RABGAP1L: variants seen among roughly 807,000 people sequenced by gnomAD.
RABGAP1L encodes the protein RAB GTPase activating protein 1 like, also known as rab GTPase-activating protein 1-like.
Under a neutral mutation model 137.7 loss-of-function variants are expected in RABGAP1L, and 63 were observed. The ratio of observed to expected loss-of-function variants is 0.46; its 90% CI spans 0.37 to 0.56. The LOEUF (loss-of-function observed/expected upper bound fraction) is 0.56, where lower values mean the gene tolerates loss of function less well. Ranked by LOEUF, RABGAP1L falls within the 20% of genes least tolerant of loss-of-function variation. The pLI is 0.00. For missense variants in RABGAP1L, 1,095 were observed against 1,244.0 expected (o/e 0.88, Z 1.80); for synonymous variants, 431 against 433.7 (o/e 0.99, Z 0.08).
intron 19 of RABGAP1L, among the ~76,000 whole-genome samples, chr1:174,917,112 T>C (rs1162673943): frequency 6.6e-6 from 1 of 152,102 alleles, no homozygotes; most frequent in Non-Finnish European, 1.5e-5. Context: ...CTAATAATCA[T>C]GGGGGCTCCA....
At chr1:174,780,997 C>T (rs1281081129) in intron 18 of RABGAP1L, among the ~76,000 whole-genome samples, 1 of 151,938 alleles carries the variant, frequency 6.6e-6, no homozygotes, top group Non-Finnish European at 1.5e-5. Flanking sequence ...GGTTCCAAGT[C>T]TTTGCTATTG....
intron 14 of RABGAP1L, among the ~76,000 whole-genome samples, chr1:174,660,123 G>A (rs1411650477): frequency 4.6e-5 from 7 of 152,200 alleles, no homozygotes; most frequent in Non-Finnish European, 8.8e-5. Context: ...CCATGGCAGG[G>A]AATGATCTGT....
intron 23 of RABGAP1L, among the ~76,000 whole-genome samples, chr1:174,982,590 G>T (rs1402551951): frequency 1.3e-5 from 2 of 152,230 alleles, no homozygotes; most frequent in Admixed American, 6.5e-5. Flanking sequence ...GCTAGTGACA[G>T]AAAGAAACCA....
At chr1:174,762,207 G>A (rs1685282713) in intron 18 of RABGAP1L, among the ~76,000 whole-genome samples, 1 of 152,122 alleles carries the variant, frequency 6.6e-6, no homozygotes, top group Admixed American at 6.5e-5. Context: ...TTAGGATAAA[G>A]TTCACAATTT....
chr1:174,873,606 C>T (rs1464025015), intron 19 of RABGAP1L, among the ~76,000 whole-genome samples: 5 of 151,424 alleles, frequency 3.3e-5, no homozygotes, highest in Non-Finnish European at 5.9e-5. Context: ...CCCTGCCTCC[C>T]GGGTTCAAGT....
At chr1:174,212,212 T>C (rs1376530984) in intron 1 of RABGAP1L, among the ~76,000 whole-genome samples, 1 of 152,096 alleles carries the variant, frequency 6.6e-6, no homozygotes, top group African/African-American at 2.4e-5. Context: ...TTCTTAAGGA[T>C]AGACCGTACT....
intron 10 of RABGAP1L, among the ~76,000 whole-genome samples, chr1:174,303,864 T>G (rs1677953186): frequency 3.3e-5 from 5 of 152,164 alleles, no homozygotes; most frequent in Admixed American, 2.6e-4. Flanking sequence ...GAAAGACAGT[T>G]ATATTGTTTG....
At chr1:174,561,262 G>T (rs2148016711) in intron 13 of RABGAP1L, among the ~76,000 whole-genome samples, 1 of 152,236 alleles carries the variant, frequency 6.6e-6, no homozygotes, top group East Asian at 1.9e-4. Context: ...ATTCACAATT[G>T]CTATAAAGAG....
At chr1:174,335,128 T>C (rs1046155714) in intron 11 of RABGAP1L, among the ~76,000 whole-genome samples, 22 of 152,208 alleles carry the variant, frequency 1.4e-4, no homozygotes, top group Admixed American at 7.9e-4. Flanking sequence ...AGTAATAGTT[T>C]CTTTTCTTTT....
chr1:174,447,166 T>C (rs1375685807), intron 13 of RABGAP1L, among the ~76,000 whole-genome samples: 1 of 152,212 alleles, frequency 6.6e-6, no homozygotes, highest in Non-Finnish European at 1.5e-5. Context: ...GTTACGTTGC[T>C]GTTAGTACCA....
At chr1:174,358,519 C>G (rs1683841933) in intron 11 of RABGAP1L, among the ~76,000 whole-genome samples, 1 of 152,104 alleles carries the variant, frequency 6.6e-6, no homozygotes, top group African/African-American at 2.4e-5. Context: ...ACTGGTTTGG[C>G]TTGATTGTAG....
intron 1 of RABGAP1L, among the ~76,000 whole-genome samples, chr1:174,169,555 G>T (rs902594891): frequency 7.9e-5 from 12 of 152,146 alleles, no homozygotes; most frequent in African/African-American, 2.9e-4. Context: ...TCTAGTAATA[G>T]TAGGAAAGAG....
At chr1:174,843,556 C>A (rs1693696875) in intron 19 of RABGAP1L, among the ~76,000 whole-genome samples, 1 of 134,824 alleles carries the variant, frequency 7.4e-6, no homozygotes, top group Admixed American at 7.7e-5. Flanking sequence ...AGGACATGAA[C>A]TCATCATTTT....
chr1:174,990,255 G>T lies in RABGAP1L; in HGVS notation c.*254G>T, dbSNP rs1574092634. 1 of 343,092 alleles carries T rather than the reference G, an allele frequency of 2.9e-6. No homozygotes were observed. Among genetic ancestry groups the T allele is most frequent in the Non-Finnish European group, 5.2e-6 (1 of 193,702 alleles). 21.3% of individuals were successfully genotyped at this position (343,092 alleles called of 1,614,324 possible). A position where few individuals can be genotyped will look rare whatever the true frequency, so the allele number is the denominator to read the frequency against. On this transcript the variant is annotated 3_prime_UTR_variant, in exon 26 of 26. Transcript: ENST00000681986. ...CCATCATAGTATTACACATTATTTT[G>T]TTTGCCTGATGTTTAGTTGGAAATA...
chr1:174,297,716 C>G (rs918059651), intron 10 of RABGAP1L, among the ~76,000 whole-genome samples: 2 of 152,066 alleles, frequency 1.3e-5, no homozygotes, highest in Non-Finnish European at 2.9e-5. Context: ...GTCAGAGGCT[C>G]TGGTTGCATG....
chr1:174,294,611 C>T (rs1216130621), intron 10 of RABGAP1L, among the ~76,000 whole-genome samples: 1 of 152,088 alleles, frequency 6.6e-6, no homozygotes, highest in Admixed American at 6.5e-5. Context: ...GTCACTGTTA[C>T]TACAGTGAAA....
intron 10 of RABGAP1L, among the ~76,000 whole-genome samples, chr1:174,285,293 C>T (rs532101478): frequency 3.9e-5 from 6 of 152,210 alleles, no homozygotes; most frequent in Non-Finnish European, 7.4e-5. Flanking sequence ...CTAGGATTAC[C>T]GGCATGAGCC....
chr1:174,948,392 G>A (rs770011003), intron 19 of RABGAP1L, among the ~76,000 whole-genome samples: 2 of 151,010 alleles, frequency 1.3e-5, no homozygotes, highest in Non-Finnish European at 3.0e-5. Context: ...TATGGTGGCG[G>A]GTGCTTGTAG....
intron 13 of RABGAP1L, among the ~76,000 whole-genome samples, chr1:174,618,289 G>A (rs963169895): frequency 6.6e-6 from 1 of 152,218 alleles, no homozygotes; most frequent in African/African-American, 2.4e-5. Context: ...GCTTTGAAGA[G>A]AGTAATGGTT....
Sources: allele counts gnomAD v4.1 joint callset (sites outside exome capture counted in the v4.1 genomes callset), GRCh38; gene constraint gnomAD v4.1.1; transcripts MANE v1.5; gene names NCBI Gene and HGNC (gene_info 2026-07-23, HGNC 2026-07-21).